The following HLCS variants were observed in gnomAD, a reference collection of about 807,000 sequenced individuals.
The protein encoded by HLCS is holocarboxylase synthetase.
Under a neutral mutation model 75.0 loss-of-function variants are expected in HLCS, and 53 were observed. The ratio of observed to expected loss-of-function variants is 0.71; its 90% CI spans 0.57 to 0.89. The LOEUF is 0.89. Among genes scored for constraint, HLCS ranks in the 40% least tolerant of loss-of-function variants. HLCS has a pLI of 0.00. For missense variants in HLCS, 966 were observed against 1,074.0 expected (o/e 0.90, Z 1.41); for synonymous variants, 431 against 428.6 (o/e 1.01, Z -0.07).
intron 5 of HLCS, among the ~76,000 whole-genome samples, chr21:36,911,765 A>C (rs1202127394): frequency 6.6e-6 from 1 of 150,800 alleles, no homozygotes; most frequent in Admixed American, 6.6e-5. Flanking sequence ...AAAAAAAAAA[A>C]AAAAAAACAT....
chr21:36,852,781 A>G (rs1460134197), intron 6 of HLCS, among the ~76,000 whole-genome samples: 1 of 152,082 alleles, frequency 6.6e-6, no homozygotes, highest in East Asian at 1.9e-4. Flanking sequence ...CCTCCTGCAA[A>G]GATGCAACCT....
intron 6 of HLCS, among the ~76,000 whole-genome samples, chr21:36,862,556 C>A (rs939183138): frequency 7.9e-5 from 12 of 152,198 alleles, no homozygotes; most frequent in African/African-American, 2.9e-4. Context: ...TTTTCATGTG[C>A]TTAATAATAA....
At chr21:36,904,164 A>G (rs1476303793) in intron 5 of HLCS, among the ~76,000 whole-genome samples, 3 of 152,230 alleles carry the variant, frequency 2.0e-5, no homozygotes, top group African/African-American at 7.2e-5. Context: ...ATGCATACAC[A>G]TAACTACAAG....
chr21:36,896,165 C>T (rs2065002830), intron 6 of HLCS, among the ~76,000 whole-genome samples: 1 of 152,172 alleles, frequency 6.6e-6, no homozygotes, highest in African/African-American at 2.4e-5. Flanking sequence ...GCCTGGGCAA[C>T]ATGGTGAAAC....
At chr21:36,914,092 C>T (rs1393144947) in intron 5 of HLCS, among the ~76,000 whole-genome samples, 2 of 152,208 alleles carry the variant, frequency 1.3e-5, no homozygotes, top group Non-Finnish European at 2.9e-5. Context: ...TCAAATCCTG[C>T]CCATCAATCT....
rs757169763 is a variant in HLCS, at chr21:36,765,171, T to C, written c.1962A>G (p.Gly654=). The change falls in exon 8 of 11, where the codon GGA becomes GGG. Residue 654 remains glycine (G), a splice_region_variant and synonymous_variant. Coordinates refer to ENST00000674895, the MANE Select transcript of HLCS (RefSeq NM_001352514.2). ...GGCTCAGCCACACATTCCCTCCCCG[T>C]CCTGGAACACAGGCCACAGTGGGAA... is the stretch of plus-strand genomic sequence containing the variant. The part of the protein sequence containing the change: ...VIAARQTEGK[G]RGGNVWLSPV... The C allele has an allele frequency of 3.1e-6, 5 of 1,614,166 alleles. No individual in the cohort carries two copies. In the South Asian group the frequency reaches 5.5e-5, roughly 18 times the overall value.
At chr21:36,786,899 TAAG>T (rs1569007811) in intron 6 of HLCS, among the ~76,000 whole-genome samples, 1 of 152,178 alleles carries the variant, frequency 6.6e-6, no homozygotes. Flanking sequence ...TTGGGCCTCT[TAAG>T]GAGTAGGGAC....
intron 6 of HLCS, among the ~76,000 whole-genome samples, chr21:36,773,120 C>G (rs2060258512): frequency 6.6e-6 from 1 of 151,956 alleles, no homozygotes; most frequent in South Asian, 2.1e-4. Flanking sequence ...ACTGAATTTT[C>G]CAATATTTTT....
In HLCS at chr21:36,868,479, T is replaced by C. The variant is rs189328440; in HGVS notation, c.1892+28381A>G. ...TTTAAATATATGAACAGAAAATATA[T>C]CCATGTATTACTCATACAATTGAAA... On this transcript the variant is annotated intron_variant, in intron 6 of 10. Coordinates refer to ENST00000674895, the MANE Select transcript of HLCS (RefSeq NM_001352514.2). Among the ~76,000 whole-genome samples the C allele has an allele frequency of 1.6e-3, 237 of 152,134 alleles. 1 individual carries two copies. The highest frequency in any genetic ancestry group is 2.1e-3 in the Non-Finnish European group (141 of 68,012).
chr21:36,921,358 T>G (rs2066157716), intron 5 of HLCS, among the ~76,000 whole-genome samples: 1 of 152,124 alleles, frequency 6.6e-6, no homozygotes, highest in Admixed American at 6.5e-5. Context: ...GGCAGGAGAA[T>G]CGCTTGAACC....
At chr21:36,850,958 G>A (rs191966484) in intron 6 of HLCS, among the ~76,000 whole-genome samples, 20 of 152,262 alleles carry the variant, frequency 1.3e-4, no homozygotes, top group Admixed American at 3.3e-4. Flanking sequence ...GCGAGGATAT[G>A]CCATTGTTGA....
At chr21:36,961,746 G>T (rs911474490) in intron 2 of HLCS, among the ~76,000 whole-genome samples, 38 of 152,176 alleles carry the variant, frequency 2.5e-4, no homozygotes, top group African/African-American at 8.4e-4. Context: ...TTGAGGTCAG[G>T]AGTTCAAGAC....
intron 6 of HLCS, among the ~76,000 whole-genome samples, chr21:36,893,300 G>A (rs2064870325): frequency 6.6e-6 from 1 of 152,072 alleles, no homozygotes; most frequent in South Asian, 2.1e-4. Flanking sequence ...TCGAACTCCT[G>A]ACCTCAAGTG....
Position 36,878,091 on chromosome 21 carries a change from T to A in HLCS, c.1892+18769A>T, listed in dbSNP as rs184720185. Reference sequence around the variant, plus strand: ...TCATCATATTCATCTGGCTTGGAGTTTGCTGAACTTCTTGAGCCTGGAAAT... The same window carrying A: ...TCATCATATTCATCTGGCTTGGAGTATGCTGAACTTCTTGAGCCTGGAAAT... On this transcript the variant is annotated intron_variant, in intron 6 of 10. Transcript: ENST00000674895. Among the ~76,000 whole-genome samples the A allele has an allele frequency of 6.6e-5, 10 of 152,272 alleles. No homozygotes were observed. In the East Asian group the frequency reaches 1.9e-3, roughly 29 times the overall value.
intron 5 of HLCS, among the ~76,000 whole-genome samples, chr21:36,924,630 C>T (rs1807892673): frequency 6.6e-6 from 1 of 152,224 alleles, no homozygotes; most frequent in East Asian, 1.9e-4. Context: ...CTTCCTCTCC[C>T]GGGGGCAAGG....
chr21:36,843,292 G>C (rs2062678573), intron 6 of HLCS, among the ~76,000 whole-genome samples: 2 of 152,126 alleles, frequency 1.3e-5, no homozygotes, highest in African/African-American at 4.8e-5. Flanking sequence ...TAAAAAATTA[G>C]CCAGGTGTGG....
intron 6 of HLCS, among the ~76,000 whole-genome samples, chr21:36,839,381 T>C (rs959562083): frequency 1.3e-5 from 2 of 151,886 alleles, no homozygotes; most frequent in Non-Finnish European, 2.9e-5. Flanking sequence ...GGAAGAGGCC[T>C]GACTCTGAAA....
At chr21:36,923,325 T>C (rs917493922) in intron 5 of HLCS, among the ~76,000 whole-genome samples, 14 of 152,016 alleles carry the variant, frequency 9.2e-5, no homozygotes, top group South Asian at 2.1e-4. Flanking sequence ...TCTTGGAGGA[T>C]TTTTTTTATT....
Position 36,930,242 on chromosome 21 carries a change from A to C in HLCS, c.1620+9T>G, listed in dbSNP as rs2146492738. The C allele has an allele frequency of 6.2e-7, 1 of 1,610,016 alleles. No individual in the cohort carries two copies. Among genetic ancestry groups the C allele is most frequent in the South Asian group, 1.1e-5 (1 of 90,998 alleles). On this transcript the variant is annotated intron_variant, in intron 5 of 10. Transcript: ENST00000674895. ...CAGCGCGCTCTGCCCAGCTGAGCCC[A>C]CAACTCACCTCCGCAGCTGACAGCA...
Sources: allele counts gnomAD v4.1 joint callset (sites outside exome capture counted in the v4.1 genomes callset), GRCh38; gene constraint gnomAD v4.1.1; transcripts MANE v1.5; gene names NCBI Gene and HGNC (gene_info 2026-07-23, HGNC 2026-07-21).